PBX1: variants seen among roughly 807,000 people sequenced by gnomAD.
PBX1 encodes the protein pre-B-cell leukemia transcription factor 1.
Under a neutral mutation model 53.4 loss-of-function variants are expected in PBX1, and 6 were observed. The observed-to-expected ratio is 0.11, with a 90% confidence interval of 0.06 to 0.22. PBX1 has a LOEUF of 0.22. Among genes scored for constraint, PBX1 ranks in the 10% least tolerant of loss-of-function variants. The probability of loss-of-function intolerance (pLI) is 1.00; values close to 1 mark genes in which losing one functional copy is unlikely to be tolerated. For missense variants in PBX1, 251 were observed against 551.4 expected (o/e 0.46, Z 5.46); for synonymous variants, 204 against 212.3 (o/e 0.96, Z 0.34).
chr1:164,633,923 C>T (rs941308447), intron 2 of PBX1, among the ~76,000 whole-genome samples: 1 of 152,206 alleles, frequency 6.6e-6, no homozygotes, highest in African/African-American at 2.4e-5. Context: ...TCTTCACTCT[C>T]CAGCAGTGGC....
At chr1:164,570,370 C>A (rs370149339) in intron 2 of PBX1, among the ~76,000 whole-genome samples, 104 of 152,228 alleles carry the variant, frequency 6.8e-4, no homozygotes, top group African/African-American at 2.4e-3. Context: ...TCCCCCACCC[C>A]CTGACAGGCC....
At chr1:164,591,148 A>G (rs4638102) in intron 2 of PBX1, among the ~76,000 whole-genome samples, 5,640 of 151,844 alleles carry the variant, frequency 0.037, 135 homozygotes, top group African/African-American at 0.05. Context: ...AGTAGCTGGG[A>G]CTACAGGCAT....
chr1:164,656,013 C>T (rs530408165), intron 2 of PBX1, among the ~76,000 whole-genome samples: 1 of 152,094 alleles, frequency 6.6e-6, no homozygotes, highest in Admixed American at 6.5e-5. Context: ...AGTTAGCCTT[C>T]AATTGCAGGT....
At chr1:164,838,093 A>T (rs10918076) in intron 8 of PBX1, among the ~76,000 whole-genome samples, 44,043 of 152,086 alleles carry the variant, frequency 0.29, 6,780 homozygotes, top group African/African-American at 0.38. Flanking sequence ...AGGGCACACT[A>T]TGATGGTGCT....
intron 2 of PBX1, among the ~76,000 whole-genome samples, chr1:164,681,922 A>G (rs10800041): frequency 0.17 from 26,012 of 152,154 alleles, 2,400 homozygotes; most frequent in East Asian, 0.32. Context: ...TGGTAAAAAT[A>G]TTTACCCGGA....
intron 8 of PBX1, among the ~76,000 whole-genome samples, chr1:164,835,789 G>T (rs375323467): frequency 3.9e-5 from 6 of 152,272 alleles, no homozygotes; most frequent in African/African-American, 1.4e-4. Context: ...AAGTTCTTCA[G>T]AGTGAAAGCT....
intron 8 of PBX1, among the ~76,000 whole-genome samples, chr1:164,841,626 T>G (rs1464922095): frequency 6.6e-6 from 1 of 152,140 alleles, no homozygotes. Flanking sequence ...CTTTTCAAAG[T>G]GCTGTCTGTG....
chr1:164,581,124 C>T (rs116343963), intron 2 of PBX1, among the ~76,000 whole-genome samples: 4,198 of 152,152 alleles, frequency 0.028, 220 homozygotes, highest in African/African-American at 0.096. Context: ...AGTGATTCTA[C>T]GTGGTGCGGA....
At chr1:164,601,055 G>A (rs977152484) in intron 2 of PBX1, among the ~76,000 whole-genome samples, 5 of 151,740 alleles carry the variant, frequency 3.3e-5, no homozygotes, top group Non-Finnish European at 1.5e-5. Flanking sequence ...CCTAACCAGT[G>A]TGGTGAAACC....
chr1:164,779,221 T>C (rs1007993252), intron 2 of PBX1, among the ~76,000 whole-genome samples: 1 of 152,122 alleles, frequency 6.6e-6, no homozygotes. Context: ...ATTGTCCACA[T>C]ACCTGTTCTA....
intron 2 of PBX1, among the ~76,000 whole-genome samples, chr1:164,715,603 C>A (rs1243970375): frequency 1.3e-5 from 2 of 152,216 alleles, no homozygotes; most frequent in East Asian, 3.9e-4. Context: ...TAGAATAATA[C>A]CTGGATCATA....
chr1:164,880,478 C>T (rs1431712458), intron 2 of PBX1, among the ~76,000 whole-genome samples: 2 of 152,196 alleles, frequency 1.3e-5, no homozygotes, highest in Non-Finnish European at 2.9e-5. Flanking sequence ...TTGGGAAGGT[C>T]AGTCAATGGC....
intron 2 of PBX1, among the ~76,000 whole-genome samples, chr1:164,696,286 G>A (rs916669188): frequency 2.0e-5 from 3 of 152,026 alleles, no homozygotes; most frequent in African/African-American, 7.2e-5. Context: ...GAATGACAGA[G>A]CCTGGTAACC....
At chr1:164,727,941 C>T (rs993682568) in intron 2 of PBX1, among the ~76,000 whole-genome samples, 3 of 152,200 alleles carry the variant, frequency 2.0e-5, no homozygotes, top group Non-Finnish European at 4.4e-5. Context: ...CCTTCGTCAT[C>T]TGCAGAGGAT....
Position 164,848,586 on chromosome 1 carries a change from A to G in PBX1, c.*1910A>G. 8.5e-6 allele frequency: 9 copies of G among 1,058,898 alleles called. No homozygotes were observed. Among genetic ancestry groups the G allele is most frequent in the Non-Finnish European group, 1.0e-5 (9 of 875,324 alleles). The allele number at this position is 1,058,898 out of a possible 1,614,324, so 65.6% of individuals were successfully genotyped here. A position where few individuals can be genotyped will look rare whatever the true frequency, so the allele number is the denominator to read the frequency against. ...ATGACAAAGAGAAGAGTTATTGTTG[A>G]TCTTCTTGGTTTTGGTCTGTCTCTT... On this transcript the variant is annotated 3_prime_UTR_variant, in exon 9 of 9. Transcript: ENST00000420696.
chr1:164,774,068 C>A (rs1198962626), intron 2 of PBX1, among the ~76,000 whole-genome samples: 1 of 152,114 alleles, frequency 6.6e-6, no homozygotes, highest in Admixed American at 6.5e-5. Flanking sequence ...GCTAAGATTA[C>A]TTTAAGGGAA....
rs115497223 is a variant in PBX1 at position 164,728,330 on chromosome 1, A to G, written c.266-64164A>G. Among the ~76,000 whole-genome samples, 1,130 of 149,484 alleles carry G rather than the reference A, an allele frequency of 7.6e-3. 13 individuals are homozygous for G. The highest frequency in any genetic ancestry group is 0.026 in the African/African-American group (1,027 of 40,050). On this transcript the variant is annotated intron_variant, in intron 2 of 8. Transcript: ENST00000420696. Reference sequence around the variant, plus strand: ...GATCTTGTCTTAACAAAAAAAAAAAAAGAGAGAGAGAGAGAGAGAAATAGA... The same window carrying G: ...GATCTTGTCTTAACAAAAAAAAAAAGAGAGAGAGAGAGAGAGAGAAATAGA...
At chr1:164,778,595 C>A (rs1667780511) in intron 2 of PBX1, among the ~76,000 whole-genome samples, 1 of 150,758 alleles carries the variant, frequency 6.6e-6, no homozygotes, top group Non-Finnish European at 1.5e-5. Context: ...TGTGATTGCA[C>A]CACTGCACTC....
At chr1:164,782,675 A>G (rs1281812375) in intron 2 of PBX1, among the ~76,000 whole-genome samples, 1 of 152,220 alleles carries the variant, frequency 6.6e-6, no homozygotes, top group Non-Finnish European at 1.5e-5. Context: ...GAGAAAAACT[A>G]GTTCTGTTCC....
Sources: allele counts gnomAD v4.1 joint callset (sites outside exome capture counted in the v4.1 genomes callset), GRCh38; gene constraint gnomAD v4.1.1; transcripts MANE v1.5; gene names NCBI Gene and HGNC (gene_info 2026-07-23, HGNC 2026-07-21).